The following ELMO1 variants were observed in gnomAD, a reference collection of about 807,000 sequenced individuals.
ELMO1 encodes the protein engulfment and cell motility protein 1.
Under a neutral mutation model 98.9 loss-of-function variants are expected in ELMO1, and 26 were observed. That is an observed-to-expected ratio of 0.26 (90% confidence interval 0.19 to 0.36). The LOEUF (loss-of-function observed/expected upper bound fraction) is 0.36. ELMO1 is among the 10% of genes least tolerant of loss of function. The probability of loss-of-function intolerance (pLI) is 1.00; values close to 1 mark genes in which losing one functional copy is unlikely to be tolerated. For missense variants in ELMO1, 627 were observed against 935.2 expected (o/e 0.67, Z 4.30); for synonymous variants, 346 against 346.0 (o/e 1.00, Z 0.00).
At chr7:36,887,716 CAG>C (rs745530932) in intron 17 of ELMO1, 44 bp from the exon 18 acceptor site, 41 of 1,592,760 alleles carry the variant, frequency 2.6e-5, no homozygotes, top group Non-Finnish European at 3.4e-5. Context: ...CCTTGAGAAA[CAG>C]AGTGTGGCTT....
chr7:36,922,378 A>C (rs1785221842), intron 16 of ELMO1, among the ~76,000 whole-genome samples: 1 of 149,662 alleles, frequency 6.7e-6, no homozygotes, highest in East Asian at 2.0e-4. Context: ...ACCAACAGAT[A>C]ATTGAGTTCT....
chr7:37,317,148 C>T (rs1177498693), intron 2 of ELMO1, among the ~76,000 whole-genome samples: 1 of 152,180 alleles, frequency 6.6e-6, no homozygotes, highest in East Asian at 1.9e-4. Context: ...CTTGCATCCT[C>T]ACCCTTGGAC....
chr7:37,106,439 C>T (rs1258586651), intron 14 of ELMO1, among the ~76,000 whole-genome samples: 9 of 152,092 alleles, frequency 5.9e-5, no homozygotes, highest in African/African-American at 1.2e-4. Context: ...GAGGATGCAG[C>T]GCCAAGGTAC....
intron 16 of ELMO1, among the ~76,000 whole-genome samples, chr7:37,012,140 A>G (rs1372915283): frequency 6.6e-6 from 1 of 152,176 alleles, no homozygotes; most frequent in Non-Finnish European, 1.5e-5. Context: ...GACAGAGATG[A>G]TATGGCAAGT....
intron 16 of ELMO1, among the ~76,000 whole-genome samples, chr7:36,963,166 C>T (rs1337309123): frequency 7.2e-5 from 11 of 151,852 alleles, no homozygotes; most frequent in Non-Finnish European, 1.0e-4. Context: ...GGGCAGATCA[C>T]GAGGTCATCG....
intron 16 of ELMO1, among the ~76,000 whole-genome samples, chr7:36,933,055 C>T (rs773596284): frequency 2.6e-5 from 4 of 152,284 alleles, no homozygotes; most frequent in Middle Eastern, 3.4e-3. Context: ...ATCACAATCC[C>T]GCACTGCCAT....
intron 20 of ELMO1, chr7:36,861,989 T>G (rs1802673996): frequency 4.0e-6 from 2 of 504,288 alleles, no homozygotes; most frequent in Non-Finnish European, 7.2e-6. Flanking sequence ...TCATCTCCTT[T>G]ATGAGGTGGG....
At chr7:36,879,075 T>C (rs17331865) in intron 18 of ELMO1, among the ~76,000 whole-genome samples, 16,688 of 152,222 alleles carry the variant, frequency 0.11, 1,183 homozygotes, top group Middle Eastern at 0.17. Context: ...CCTTAGTATT[T>C]CCCATTATCT....
intron 2 of ELMO1, among the ~76,000 whole-genome samples, chr7:37,316,868 G>A (rs1799198083): frequency 6.6e-6 from 1 of 152,138 alleles, no homozygotes. Flanking sequence ...TTTTACTCCT[G>A]TCTATATGAA....
chr7:37,140,595 C>T (rs538284042), intron 13 of ELMO1, among the ~76,000 whole-genome samples: 1 of 152,078 alleles, frequency 6.6e-6, no homozygotes, highest in African/African-American at 2.4e-5. Context: ...AGTTAACAGA[C>T]AACACACAGA....
At chr7:36,979,515 AG>A (rs960837556) in intron 16 of ELMO1, among the ~76,000 whole-genome samples, 3 of 152,302 alleles carry the variant, frequency 2.0e-5, no homozygotes, top group African/African-American at 7.2e-5. Flanking sequence ...ACGCTGGCTC[AG>A]GGAATCTAGG....
intron 2 of ELMO1, among the ~76,000 whole-genome samples, chr7:37,329,195 T>C (rs1799972669): frequency 6.6e-6 from 1 of 152,212 alleles, no homozygotes; most frequent in Non-Finnish European, 1.5e-5. Flanking sequence ...AAATGAAAGA[T>C]GAGACAGTGG....
intron 13 of ELMO1, chr7:37,211,114 A>G: frequency 3.0e-6 from 1 of 335,636 alleles, no homozygotes; most frequent in South Asian, 4.7e-5. Context: ...TGAAGTCGAG[A>G]TACATTCCGG....
At chr7:37,135,937 G>A (rs928533910) in intron 13 of ELMO1, among the ~76,000 whole-genome samples, 2 of 152,126 alleles carry the variant, frequency 1.3e-5, no homozygotes, top group East Asian at 1.9e-4. Context: ...TCAAGGAGGC[G>A]GCAGAGAAAG....
intron 1 of ELMO1, among the ~76,000 whole-genome samples, chr7:37,384,701 A>C (rs1285124258): frequency 6.6e-6 from 1 of 151,822 alleles, no homozygotes; most frequent in Admixed American, 6.5e-5. Flanking sequence ...GCCTGGGCGA[A>C]AGAGCAAGAC....
chr7:36,904,403 A>G (rs1419607551), intron 16 of ELMO1, among the ~76,000 whole-genome samples: 1 of 152,198 alleles, frequency 6.6e-6, no homozygotes, highest in Non-Finnish European at 1.5e-5. Context: ...AGCGGTGCTC[A>G]GGCAGCTTCA....
At chr7:37,054,844 T>A (rs943479549) in intron 15 of ELMO1, among the ~76,000 whole-genome samples, 1 of 152,196 alleles carries the variant, frequency 6.6e-6, no homozygotes, top group Non-Finnish European at 1.5e-5. Context: ...CCCAACTTCA[T>A]TGAAAACCTG....
chr7:37,288,757 C>G (rs960688102), intron 4 of ELMO1, among the ~76,000 whole-genome samples: 2 of 152,176 alleles, frequency 1.3e-5, no homozygotes, highest in African/African-American at 4.8e-5. Flanking sequence ...GGATGAAAGG[C>G]CTTAAGCCCT....
intron 16 of ELMO1, among the ~76,000 whole-genome samples, chr7:36,899,298 C>T (rs1381932274): frequency 2.6e-5 from 4 of 152,078 alleles, no homozygotes; most frequent in Admixed American, 6.5e-5. Context: ...TATGTTGGGA[C>T]GCTTACAAAG....
Sources: allele counts gnomAD v4.1 joint callset (sites outside exome capture counted in the v4.1 genomes callset), GRCh38; gene constraint gnomAD v4.1.1; transcripts MANE v1.5; gene names NCBI Gene and HGNC (gene_info 2026-07-23, HGNC 2026-07-21).